Variants in PRIM2 observed in about 807,000 individuals in gnomAD.
The protein encoded by PRIM2 is DNA primase subunit 2.
A neutral mutation model predicts 67.3 loss-of-function variants in PRIM2; 39 were observed. The observed-to-expected ratio is 0.58, with a 90% confidence interval of 0.45 to 0.76. The LOEUF is 0.76. PRIM2 is among the 30% of genes least tolerant of loss of function. PRIM2 has a pLI of 0.00. For missense variants in PRIM2, 398 were observed against 598.7 expected (o/e 0.66, Z 3.50); for synonymous variants, 143 against 198.7 (o/e 0.72, Z 2.36).
At chr6:57,444,837 T>C (rs113581850) in intron 7 of PRIM2, among the ~76,000 whole-genome samples, 10 of 151,980 alleles carry the variant, frequency 6.6e-5, no homozygotes, top group African/African-American at 2.4e-4. Flanking sequence ...TTTTTAAATA[T>C]TTAAAATTTC....
chr6:57,474,960 T>G (rs1242117010), intron 7 of PRIM2, among the ~76,000 whole-genome samples: 5 of 152,172 alleles, frequency 3.3e-5, no homozygotes, highest in African/African-American at 1.2e-4. Context: ...TTAGATTCTT[T>G]GTTTCTTTCC....
intron 7 of PRIM2, among the ~76,000 whole-genome samples, chr6:57,391,951 A>G (rs530051666): frequency 4.7e-4 from 72 of 152,314 alleles, no homozygotes; most frequent in Non-Finnish European, 4.9e-4. Context: ...TGAATTATAT[A>G]AATTGCTTTG....
the PRIM2 span, among the ~76,000 whole-genome samples, chr6:57,281,873 TC>T: frequency 1.3e-5 from 2 of 152,176 alleles, no homozygotes; most frequent in African/African-American, 4.8e-5. Flanking sequence ...TTTTTTGTGA[TC>T]TTGACCAGTT....
chr6:57,549,230 G>A (rs1351363187), intron 10 of PRIM2, among the ~76,000 whole-genome samples: 2 of 152,158 alleles, frequency 1.3e-5, no homozygotes, highest in African/African-American at 4.8e-5. Context: ...CAGGCATGCT[G>A]CTTTAAATTC....
chr6:57,286,238 G>A, the PRIM2 span, among the ~76,000 whole-genome samples: 182 of 152,018 alleles, frequency 1.2e-3, 1 homozygote, highest in African/African-American at 2.4e-3. Flanking sequence ...GACTTTCTTC[G>A]CAGAACTAGA....
the PRIM2 span, among the ~76,000 whole-genome samples, chr6:57,289,832 T>C: frequency 4.4e-4 from 67 of 152,264 alleles, 1 homozygote; most frequent in African/African-American, 1.5e-3. Flanking sequence ...GAACAAATGG[T>C]ACCACCCACT....
chr6:57,405,991 T>C (rs1581871629), intron 7 of PRIM2, among the ~76,000 whole-genome samples: 1 of 152,220 alleles, frequency 6.6e-6, no homozygotes, highest in African/African-American at 2.4e-5. Flanking sequence ...ACAGTCATCA[T>C]ATGTGTGGTC....
At chr6:57,242,002 T>C in the PRIM2 span, among the ~76,000 whole-genome samples, 1 of 152,124 alleles carries the variant, frequency 6.6e-6, no homozygotes, top group Non-Finnish European at 1.5e-5. Context: ...ACTATGAATA[T>C]GTAAATAGAT....
At chr6:57,398,700 C>A (rs11752056) in intron 7 of PRIM2, among the ~76,000 whole-genome samples, 14 of 152,068 alleles carry the variant, frequency 9.2e-5, no homozygotes, top group Non-Finnish European at 1.6e-4. Flanking sequence ...TAAATATCTT[C>A]GTTAATTTTC....
chr6:57,273,394 T>C, the PRIM2 span, among the ~76,000 whole-genome samples: 2 of 152,374 alleles, frequency 1.3e-5, no homozygotes, highest in Admixed American at 1.3e-4. Context: ...CCATGACTGA[T>C]AGCCTATCTT....
chr6:57,426,075 C>A (rs35898778), intron 7 of PRIM2, among the ~76,000 whole-genome samples: 3 of 152,090 alleles, frequency 2.0e-5, no homozygotes, highest in Non-Finnish European at 2.9e-5. Flanking sequence ...TAACTCATGT[C>A]GTGTCTACTC....
intron 7 of PRIM2, among the ~76,000 whole-genome samples, chr6:57,434,217 G>A (rs1771935662): frequency 7.5e-6 from 1 of 132,792 alleles, no homozygotes; most frequent in Admixed American, 7.9e-5. Context: ...GAGCCACCAT[G>A]CGCAGACTTC....
chr6:57,325,840 T>G, intron 4 of PRIM2, 85 bp from the exon 5 acceptor site: 2 of 1,383,662 alleles, frequency 1.4e-6, no homozygotes, highest in East Asian at 2.5e-5. Flanking sequence ...CTTGCTGATG[T>G]TTGAATATTG....
chr6:57,269,572 C>T, the PRIM2 span, among the ~76,000 whole-genome samples: 1 of 152,066 alleles, frequency 6.6e-6, no homozygotes, highest in East Asian at 1.9e-4. Flanking sequence ...TTCTCCCATT[C>T]TGTAGGTTGC....
intron 8 of PRIM2, among the ~76,000 whole-genome samples, chr6:57,520,100 A>G (rs1321089053): frequency 6.6e-6 from 1 of 152,182 alleles, no homozygotes; most frequent in Non-Finnish European, 1.5e-5. Context: ...GCGTATAAGG[A>G]AAGGATGTAA....
At chr6:57,524,616 A>G (rs1774705181) in intron 8 of PRIM2, among the ~76,000 whole-genome samples, 1 of 151,956 alleles carries the variant, frequency 6.6e-6, no homozygotes, top group East Asian at 1.9e-4. Flanking sequence ...CAGGAGAATC[A>G]CTTGAACCGG....
At chr6:57,621,056 A>G (rs1349519697) in intron 12 of PRIM2, among the ~76,000 whole-genome samples, 1 of 152,136 alleles carries the variant, frequency 6.6e-6, no homozygotes, top group Non-Finnish European at 1.5e-5. Context: ...CTCCATTAGT[A>G]CCTTCTTTTG....
chr6:57,296,143 C>T, the PRIM2 span, among the ~76,000 whole-genome samples: 1 of 152,084 alleles, frequency 6.6e-6, no homozygotes, highest in Admixed American at 6.5e-5. Flanking sequence ...AGAAAAAGAA[C>T]AAATCTCAAT....
the PRIM2 span, among the ~76,000 whole-genome samples, chr6:57,241,344 G>T: frequency 1.3e-5 from 2 of 152,090 alleles, no homozygotes; most frequent in Non-Finnish European, 2.9e-5. Flanking sequence ...AGGAGTTTGA[G>T]ATTACAGTGA....
Sources: allele counts gnomAD v4.1 joint callset (sites outside exome capture counted in the v4.1 genomes callset), GRCh38; gene constraint gnomAD v4.1.1; transcripts MANE v1.5; gene names NCBI Gene and HGNC (gene_info 2026-07-23, HGNC 2026-07-21).